Variants in PCDH15 observed in about 807,000 individuals in gnomAD.
The protein encoded by PCDH15 is protocadherin-15.
A neutral mutation model predicts 178.5 loss-of-function variants in PCDH15; 129 were observed. That is an observed-to-expected ratio of 0.72 (90% confidence interval 0.63 to 0.84). PCDH15 has a LOEUF of 0.84. PCDH15 is among the 40% of genes least tolerant of loss of function. PCDH15 has a pLI of 0.00. For missense variants in PCDH15, 2,230 were observed against 2,099.9 expected (o/e 1.06, Z -1.21); for synonymous variants, 800 against 732.0 (o/e 1.09, Z -1.50).
At chr10:55,380,743 A>G (rs956972714) in intron 2 of PCDH15, among the ~76,000 whole-genome samples, 1 of 152,234 alleles carries the variant, frequency 6.6e-6, no homozygotes, top group Non-Finnish European at 1.5e-5. Flanking sequence ...TGCCCACTAC[A>G]CCATAAATAA....
At chr10:54,823,417 A>G (rs1953079900) in intron 3 of PCDH15, among the ~76,000 whole-genome samples, 1 of 152,138 alleles carries the variant, frequency 6.6e-6, no homozygotes, top group Admixed American at 6.6e-5. Flanking sequence ...GTTGTTATGT[A>G]ATGGTAAAAG....
At chr10:54,354,805 G>A (rs1944710876) in intron 5 of PCDH15, among the ~76,000 whole-genome samples, 1 of 152,044 alleles carries the variant, frequency 6.6e-6, no homozygotes, top group Non-Finnish European at 1.5e-5. Context: ...TACTGTCTGT[G>A]CTTTTAGATT....
Position 54,170,126 on chromosome 10 carries a change from C to T in PCDH15, c.1590+13318G>A, listed in dbSNP as rs548631905. Among the ~76,000 whole-genome samples, 398 of 119,962 alleles carry T rather than the reference C, an allele frequency of 3.3e-3. 6 individuals carry two copies. The highest frequency in any genetic ancestry group is 0.013 in the African/African-American group (364 of 27,850). The allele number at this position is 119,962 out of a possible 152,430, so 78.7% of individuals were successfully genotyped here. ...CCTAGGCTGTACTGCCACAAAGCTT[C>T]ACAGGCAGCCCCCATTACTTCAATC... On this transcript the variant is annotated intron_variant, in intron 13 of 37. Transcript: ENST00000644397.
intron 18 of PCDH15, among the ~76,000 whole-genome samples, chr10:54,049,397 G>A (rs139036299): frequency 2.2e-4 from 34 of 152,136 alleles, no homozygotes; most frequent in African/African-American, 8.2e-4. Context: ...AAGATTTCTG[G>A]TAATATGTTA....
At chr10:55,060,917 C>G (rs1233016593) in intron 2 of PCDH15, among the ~76,000 whole-genome samples, 1 of 151,750 alleles carries the variant, frequency 6.6e-6, no homozygotes, top group Admixed American at 6.6e-5. Context: ...TAGACTTTCA[C>G]AAAAACAAAA....
intron 23 of PCDH15, among the ~76,000 whole-genome samples, chr10:53,942,646 G>A (rs527963548): frequency 1.3e-5 from 2 of 152,248 alleles, no homozygotes; most frequent in South Asian, 2.1e-4. Flanking sequence ...GCAAGGAATC[G>A]AGGCCCTTAG....
chr10:55,246,147 A>C (rs963558822), intron 1 of PCDH15, among the ~76,000 whole-genome samples: 1 of 152,212 alleles, frequency 6.6e-6, no homozygotes, highest in African/African-American at 2.4e-5. Flanking sequence ...TTCTTCAATT[A>C]AGAGATAAGA....
At position 55,394,132 on chromosome 10, in the gene PCDH15, G is replaced by A. The variant is rs557470692; in HGVS notation, c.-155-227481C>T. On this transcript the variant is annotated intron_variant, in intron 2 of 5. Transcript: ENST00000613346. ...GACTATGTCTTCCAGGTTTGTTAGCGCATATCACCAACAAAGCCCTCTTTT... is the reference window on the plus strand; with the variant it reads ...GACTATGTCTTCCAGGTTTGTTAGCACATATCACCAACAAAGCCCTCTTTT... Among the ~76,000 whole-genome samples, 323 of 151,990 alleles carry A rather than the reference G, an allele frequency of 2.1e-3. 1 individual carries two copies. The highest frequency in any genetic ancestry group is 6.8e-3 in the Middle Eastern group (2 of 294).
At chr10:54,892,489 A>G (rs1954480024) in intron 3 of PCDH15, among the ~76,000 whole-genome samples, 3 of 151,932 alleles carry the variant, frequency 2.0e-5, no homozygotes, top group African/African-American at 7.2e-5. Flanking sequence ...AATTCTCACA[A>G]ATCAAAAGAA....
At chr10:55,194,036 C>T (rs945621634) in intron 1 of PCDH15, among the ~76,000 whole-genome samples, 1 of 151,992 alleles carries the variant, frequency 6.6e-6, no homozygotes, top group African/African-American at 2.4e-5. Context: ...ACACAAAACA[C>T]ACACACTCAT....
intron 3 of PCDH15, among the ~76,000 whole-genome samples, chr10:54,504,992 A>G (rs549075753): frequency 6.6e-6 from 1 of 152,234 alleles, no homozygotes; most frequent in Non-Finnish European, 1.5e-5. Flanking sequence ...AAATTTAAAA[A>G]ATGCCAGCTG....
At position 54,664,246 on chromosome 10, in the gene PCDH15, T is replaced by G. The variant is rs751253853; in HGVS notation, c.17A>C (p.Tyr6Ser). The change falls in exon 2 of 38, where the codon TAT becomes TCT. Residue 6 changes from tyrosine to serine, a missense_variant. By Grantham distance (144) the Tyr-to-Ser change is moderately radical. Coordinates refer to ENST00000644397, the MANE Select transcript of PCDH15 (RefSeq NM_001384140.1). ...CCCTGAAGCTAAACATGTCCAGAGATAAAACTGTCGAAACATCTTCTGTCA... is the reference window on the plus strand; with the variant it reads ...CCCTGAAGCTAAACATGTCCAGAGAGAAAACTGTCGAAACATCTTCTGTCA... Reference protein sequence around the residue: MFRQFYLWTCLASGII... With the variant: MFRQFSLWTCLASGII... 1.2e-6 allele frequency: 2 copies of G among 1,611,602 alleles called. No homozygotes were observed. Among genetic ancestry groups the G allele is most frequent in the African/African-American group, 1.3e-5 (1 of 74,906 alleles).
chr10:54,301,862 C>A (rs2060169784), intron 8 of PCDH15, among the ~76,000 whole-genome samples: 1 of 152,108 alleles, frequency 6.6e-6, no homozygotes, highest in Admixed American at 6.5e-5. Context: ...TCTATAAGAG[C>A]TAATATATTT....
chr10:55,627,499 G>GA (rs1296569910), intron 2 of PCDH15: 1 of 152,256 alleles, frequency 6.6e-6, no homozygotes, highest in African/African-American at 2.4e-5. Context: ...GGTTGTTCCT[G>GA]AACCTGAATC....
At chr10:55,289,880 G>A (rs1842964909) in intron 1 of PCDH15, among the ~76,000 whole-genome samples, 2 of 151,822 alleles carry the variant, frequency 1.3e-5, no homozygotes, top group South Asian at 4.2e-4. Context: ...CAGTTTTCAC[G>A]GGACTGAGTG....
chr10:55,604,096 T>C (rs1477416947), intron 2 of PCDH15, among the ~76,000 whole-genome samples: 4 of 103,010 alleles, frequency 3.9e-5, no homozygotes, highest in Non-Finnish European at 7.8e-5. Context: ...GTTGCAATCC[T>C]AGTCTCTGAT....
chr10:54,201,408 CTATATT>C (rs1336980727), intron 10 of PCDH15, among the ~76,000 whole-genome samples: 16 of 151,814 alleles, frequency 1.1e-4, no homozygotes, highest in African/African-American at 3.1e-4. Context: ...AAATATTTTT[CTATATT>C]TATAATATGT....
chr10:55,353,983 T>A (rs921289550), intron 2 of PCDH15, among the ~76,000 whole-genome samples: 3 of 152,112 alleles, frequency 2.0e-5, no homozygotes, highest in Non-Finnish European at 4.4e-5. Context: ...TCTTTATATT[T>A]GATCTTCATA....
At chr10:54,689,126 T>C (rs16906408) in intron 1 of PCDH15, among the ~76,000 whole-genome samples, 12,164 of 152,030 alleles carry the variant, frequency 0.08, 542 homozygotes, top group South Asian at 0.14. Flanking sequence ...ACTACAACTC[T>C]TTAGCCACAA....
Sources: gnomAD v4.1 joint callset for allele counts (sites outside exome capture counted in the v4.1 genomes callset) on GRCh38, gnomAD v4.1.1 for gene constraint, MANE v1.5 for transcripts, NCBI Gene and HGNC (gene_info 2026-07-23, HGNC 2026-07-21) for gene names.